The following DCC variants were observed in gnomAD, a reference collection of about 807,000 sequenced individuals.
DCC encodes the protein DCC netrin 1 receptor, also known as netrin receptor DCC.
DCC carries 58 observed loss-of-function variants against 172.5 expected under a neutral mutation model. The ratio of observed to expected loss-of-function variants is 0.34; its 90% CI spans 0.27 to 0.42. DCC has a LOEUF of 0.42. Ranked by LOEUF, DCC falls within the 10% of genes least tolerant of loss-of-function variation. The pLI, the probability that DCC is intolerant of heterozygous loss-of-function variation, is 1.00. For missense variants in DCC, 1,740 were observed against 1,791.0 expected, an observed-to-expected ratio of 0.97 and a Z score of 0.51; for synonymous variants, 709 against 644.5, an observed-to-expected ratio of 1.10 and a Z score of -1.52.
chr18:53,459,278 G>C lies in DCC; in HGVS notation c.3439G>C (p.Asp1147His), dbSNP rs148589863. Reference protein sequence around the residue: ...SAGKRKGSQKDLRPPDLWIHH... With the variant: ...SAGKRKGSQKHLRPPDLWIHH... ...TGGCAAAAGGAAGGGCAGCCAGAAG[G>C]ACCTCCGACCCCCTGATCTTTGGAT... Residue 1147 changes from aspartate (D) to histidine (H), a missense_variant, in exon 24 of 29, where the codon GAC becomes CAC. By Grantham distance (81) the Asp-to-His change is moderately conservative. Around this residue, in one of 2 missense-constraint regions of DCC, gnomAD observed 1,732 missense variants for 1,767.4 expected, o/e 0.98. Coordinates refer to ENST00000442544, the MANE Select transcript of DCC (RefSeq NM_005215.4). The C allele has an allele frequency of 1.2e-6, 2 of 1,614,120 alleles. No individual in the cohort carries two copies. The highest frequency in any genetic ancestry group is 2.2e-5 in the South Asian group (2 of 91,090).
At chr18:52,528,198 C>A (rs1475826765) in intron 1 of DCC, among the ~76,000 whole-genome samples, 6 of 152,176 alleles carry the variant, frequency 3.9e-5, no homozygotes, top group Non-Finnish European at 8.8e-5. Context: ...ACTTTCTTTC[C>A]TCTCATTTTC....
intron 14 of DCC, among the ~76,000 whole-genome samples, chr18:53,337,784 A>G (rs1468071587): frequency 6.6e-6 from 1 of 152,248 alleles, no homozygotes; most frequent in Non-Finnish European, 1.5e-5. Context: ...CACTTAAGCT[A>G]GAAGTGGGAA....
intron 1 of DCC, among the ~76,000 whole-genome samples, chr18:52,647,003 A>G (rs1357828146): frequency 1.3e-5 from 2 of 152,248 alleles, no homozygotes; most frequent in African/African-American, 2.4e-5. Flanking sequence ...AATGAATAAC[A>G]AAAGACAGTC....
At chr18:53,276,714 T>G (rs1341969145) in intron 12 of DCC, among the ~76,000 whole-genome samples, 1 of 152,034 alleles carries the variant, frequency 6.6e-6, no homozygotes, top group African/African-American at 2.4e-5. Flanking sequence ...CCTTCTTGAG[T>G]AGAAAGGAGC....
At chr18:52,852,103 T>C (rs1393386866) in intron 2 of DCC, among the ~76,000 whole-genome samples, 1 of 152,134 alleles carries the variant, frequency 6.6e-6, no homozygotes, top group African/African-American at 2.4e-5. Flanking sequence ...TGGCATCCTA[T>C]CTAAAAGGCT....
intron 2 of DCC, among the ~76,000 whole-genome samples, chr18:52,777,046 A>AT (rs72079451): frequency 0.053 from 8,046 of 152,102 alleles, 286 homozygotes; most frequent in South Asian, 0.16. Context: ...CCATTATGGG[A>AT]TTTTTTGCAT....
intron 5 of DCC, among the ~76,000 whole-genome samples, chr18:52,971,638 G>A (rs926637031): frequency 6.6e-6 from 1 of 151,952 alleles, no homozygotes; most frequent in Admixed American, 6.6e-5. Flanking sequence ...GTGGGAGATG[G>A]GGGAGAGGTG....
chr18:52,457,344 T>C (rs185077381), intron 1 of DCC, among the ~76,000 whole-genome samples: 50 of 152,316 alleles, frequency 3.3e-4, no homozygotes, highest in African/African-American at 1.2e-3. Context: ...TATTATTCAG[T>C]ATTATTTGAG....
chr18:53,301,126 GT>G (rs1490992504), intron 12 of DCC, among the ~76,000 whole-genome samples: 2 of 142,610 alleles, frequency 1.4e-5, no homozygotes, highest in East Asian at 4.1e-4. Flanking sequence ...TTTTGCTCTT[GT>G]TGCCCAGGCT....
At chr18:53,086,822 G>C (rs574611668) in intron 7 of DCC, among the ~76,000 whole-genome samples, 1 of 127,688 alleles carries the variant, frequency 7.8e-6, no homozygotes, top group Non-Finnish European at 1.6e-5. Context: ...TTATTGTTCA[G>C]TTCCCACCTA....
At chr18:52,798,752 T>G (rs1014653195) in intron 2 of DCC, among the ~76,000 whole-genome samples, 1 of 56,244 alleles carries the variant, frequency 1.8e-5, no homozygotes, top group Non-Finnish European at 3.5e-5. Context: ...TATGAAGTTT[T>G]GTATCTTTTT....
At chr18:52,797,947 G>C (rs563824278) in intron 2 of DCC, among the ~76,000 whole-genome samples, 9 of 150,346 alleles carry the variant, frequency 6.0e-5, no homozygotes, top group Admixed American at 2.0e-4. Flanking sequence ...CCTGTTCTCA[G>C]GCACCACTGG....
rs539254890 is a variant in DCC at position 52,881,154 on chromosome 18, T to A, written c.413-24890T>A. 4.6e-5 allele frequency among the ~76,000 whole-genome samples: 7 copies of A among 152,296 alleles called. No individual in the cohort carries two copies. The East Asian group carries it at 7.7e-4, about 17-fold the overall frequency. On this transcript the variant is annotated intron_variant, in intron 2 of 28. Coordinates refer to ENST00000442544, the MANE Select transcript of DCC (RefSeq NM_005215.4). ...CATATGCCTCTTTGCCATTTTATTA[T>A]CTTCTGAGAAATGTTTATTCAAATC...
chr18:52,365,850 CATAA>C (rs1465415657), intron 1 of DCC, among the ~76,000 whole-genome samples: 1 of 152,154 alleles, frequency 6.6e-6, no homozygotes, highest in African/African-American at 2.4e-5. Context: ...ATAGCCAATA[CATAA>C]ATAAATGAGT....
intron 12 of DCC, among the ~76,000 whole-genome samples, chr18:53,303,602 G>A (rs896153435): frequency 5.3e-5 from 8 of 152,158 alleles, no homozygotes; most frequent in African/African-American, 7.2e-5. Flanking sequence ...ATGTGACACC[G>A]GTGTGGCCTG....
intron 12 of DCC, among the ~76,000 whole-genome samples, chr18:53,260,881 C>T (rs2144681852): frequency 6.6e-6 from 1 of 152,256 alleles, no homozygotes; most frequent in East Asian, 1.9e-4. Context: ...GCTTTGTTTA[C>T]CTACTCAAGC....
In DCC at chr18:53,301,922, T is replaced by A. The variant is rs1264602305; in HGVS notation, c.1912-3656T>A. Among the ~76,000 whole-genome samples, 4 of 152,206 alleles carry A rather than the reference T, an allele frequency of 2.6e-5. No individual in the cohort carries two copies. In the East Asian group the frequency reaches 7.7e-4, roughly 29 times the overall value. ...GGCTGCCATAATAAATACTGCAGAC[T>A]GGGTGGCTTAAAAAACAGGCATTTA... On this transcript the variant is annotated intron_variant, in intron 12 of 28. Coordinates refer to ENST00000442544, the MANE Select transcript of DCC (RefSeq NM_005215.4).
rs548994937 is a variant in DCC, at chr18:53,065,793, G to A, written c.1141-253G>A. Among the ~76,000 whole-genome samples, 6 of 152,176 alleles carry A rather than the reference G, an allele frequency of 3.9e-5. No homozygotes were observed. The South Asian group carries it at 1.2e-3, about 32-fold the overall frequency. On this transcript the variant is annotated intron_variant, in intron 6 of 28. Transcript: ENST00000442544. ...TGCTCATTTAGGTATTGAGGATGGTGCATATTTTTGTCAGCATATTATTTA... is the reference window on the plus strand; with the variant it reads ...TGCTCATTTAGGTATTGAGGATGGTACATATTTTTGTCAGCATATTATTTA...
At chr18:53,185,124 G>A (rs1356349320) in intron 9 of DCC, among the ~76,000 whole-genome samples, 1 of 152,282 alleles carries the variant, frequency 6.6e-6, no homozygotes, top group East Asian at 1.9e-4. Context: ...GTCTCTGGAT[G>A]TAAAAAAATG....
Sources: allele counts gnomAD v4.1 joint callset (sites outside exome capture counted in the v4.1 genomes callset), GRCh38; gene constraint gnomAD v4.1.1; regional missense constraint gnomAD v4.1.1; transcripts MANE v1.5; gene names NCBI Gene and HGNC (gene_info 2026-07-23, HGNC 2026-07-21).